The following TSGA10 variants were observed in gnomAD, a reference collection of about 807,000 sequenced individuals.
TSGA10 encodes testis specific 10, also known as testis-specific gene 10 protein.
Under a neutral mutation model 96.6 loss-of-function variants are expected in TSGA10, and 43 were observed. The ratio of observed to expected loss-of-function variants is 0.44; its 90% CI spans 0.35 to 0.57. The LOEUF (loss-of-function observed/expected upper bound fraction) is 0.57. Ranked by LOEUF, TSGA10 falls within the 20% of genes least tolerant of loss-of-function variation. The pLI, the probability that TSGA10 is intolerant of heterozygous loss-of-function variation, is 0.01. For missense variants in TSGA10, 703 were observed against 834.4 expected (o/e 0.84, Z 1.94); for synonymous variants, 229 against 269.9 (o/e 0.85, Z 1.48).
intron 1 of TSGA10, among the ~76,000 whole-genome samples, chr2:99,146,599 T>C (rs984477581): frequency 4.6e-5 from 7 of 152,178 alleles, no homozygotes; most frequent in African/African-American, 1.7e-4. Context: ...GTTCTGCCAT[T>C]CACATTTAGG....
At chr2:99,110,803 C>G in intron 5 of TSGA10, 47 bp downstream of exon 5, 3 of 463,914 alleles carry the variant, frequency 6.5e-6, no homozygotes, top group Non-Finnish European at 8.5e-6. Flanking sequence ...GCTTACTGAC[C>G]AAATAAAAAT....
chr2:99,055,218 AC>A (rs1266462470), intron 16 of TSGA10, among the ~76,000 whole-genome samples: 1 of 152,136 alleles, frequency 6.6e-6, no homozygotes, highest in Non-Finnish European at 1.5e-5. Flanking sequence ...CACATGGATG[AC>A]CCTAGAGGTT....
chr2:99,029,712 C>A (rs2080964465), intron 17 of TSGA10, among the ~76,000 whole-genome samples: 1 of 152,010 alleles, frequency 6.6e-6, no homozygotes. Context: ...ATGATAAAAC[C>A]TCTTAGAAAT....
chr2:99,093,190 C>T (rs144626084), intron 10 of TSGA10, among the ~76,000 whole-genome samples: 2 of 152,148 alleles, frequency 1.3e-5, no homozygotes, highest in African/African-American at 4.8e-5. Flanking sequence ...AGGCATCTGA[C>T]AAAATCCAGC....
At chr2:99,116,730 A>C (rs1312104248) in intron 4 of TSGA10, among the ~76,000 whole-genome samples, 2 of 152,202 alleles carry the variant, frequency 1.3e-5, no homozygotes, top group Non-Finnish European at 2.9e-5. Context: ...TGTTAGTTAA[A>C]AAAAAGTTTT....
chr2:99,153,289 T>C (rs2093711283), intron 1 of TSGA10, among the ~76,000 whole-genome samples: 1 of 152,154 alleles, frequency 6.6e-6, no homozygotes, highest in Admixed American at 6.5e-5. Context: ...TTGGAGTACG[T>C]TGAAACAATG....
intron 10 of TSGA10, among the ~76,000 whole-genome samples, chr2:99,088,191 T>C (rs2088806725): frequency 6.6e-6 from 1 of 152,208 alleles, no homozygotes; most frequent in Non-Finnish European, 1.5e-5. Context: ...TAATTCGGTG[T>C]AGTAGTCCCC....
At chr2:99,075,569 T>C (rs1464665880) in intron 12 of TSGA10, among the ~76,000 whole-genome samples, 1 of 152,186 alleles carries the variant, frequency 6.6e-6, no homozygotes, top group African/African-American at 2.4e-5. Context: ...ACAGTATTAG[T>C]TTTCACTGAG....
At chr2:99,137,707 G>A (rs1223702640) in intron 1 of TSGA10, among the ~76,000 whole-genome samples, 3 of 152,124 alleles carry the variant, frequency 2.0e-5, no homozygotes, top group Admixed American at 1.3e-4. Context: ...CAGTATTTTA[G>A]GTGGGAGATG....
At chr2:99,150,487 C>A in intron 1 of TSGA10, 12 of 1,393,740 alleles carry the variant, frequency 8.6e-6, no homozygotes, top group East Asian at 2.5e-5. Flanking sequence ...TTTCAGTAAT[C>A]AAGTTGAAGA....
chr2:99,005,836 G>T (rs1278429991), intron 20 of TSGA10, among the ~76,000 whole-genome samples: 8 of 152,002 alleles, frequency 5.3e-5, no homozygotes, highest in South Asian at 4.2e-4. Context: ...CATTGCCAAG[G>T]CAATCCTAAG....
At chr2:99,101,903 T>C in intron 10 of TSGA10, 2 of 595,286 alleles carry the variant, frequency 3.4e-6, no homozygotes, top group Non-Finnish European at 6.1e-6. Flanking sequence ...AAATAGGGAG[T>C]GCTGTTCAAA....
At chr2:99,037,806 C>T (rs909595622) in intron 16 of TSGA10, among the ~76,000 whole-genome samples, 30 of 151,950 alleles carry the variant, frequency 2.0e-4, no homozygotes, top group Non-Finnish European at 2.5e-4. Flanking sequence ...GCTGGGATCG[C>T]GCCATTGCAC....
At chr2:99,025,281 A>T (rs1000417546) in intron 17 of TSGA10, among the ~76,000 whole-genome samples, 1 of 152,196 alleles carries the variant, frequency 6.6e-6, no homozygotes, top group African/African-American at 2.4e-5. Flanking sequence ...ATGGAAGTTT[A>T]AAAATTTCTA....
chr2:99,132,574 A>AT (rs1372874869), intron 1 of TSGA10, among the ~76,000 whole-genome samples: 9 of 152,006 alleles, frequency 5.9e-5, no homozygotes, highest in African/African-American at 1.9e-4. Flanking sequence ...GGATTCATTG[A>AT]TTTTTTGAAG....
At chr2:99,017,656 T>G (rs1228488847) in intron 20 of TSGA10, among the ~76,000 whole-genome samples, 4 of 150,926 alleles carry the variant, frequency 2.7e-5, no homozygotes. Flanking sequence ...TCCCAGCTAC[T>G]TGGGAGGCTG....
At chr2:99,088,785 C>T (rs1335800732) in intron 10 of TSGA10, among the ~76,000 whole-genome samples, 1 of 152,062 alleles carries the variant, frequency 6.6e-6, no homozygotes, top group East Asian at 1.9e-4. Context: ...GTGACTAATC[C>T]AAATATCTAT....
At chr2:99,038,794 C>G (rs942296992) in intron 16 of TSGA10, among the ~76,000 whole-genome samples, 1 of 152,110 alleles carries the variant, frequency 6.6e-6, no homozygotes, top group East Asian at 1.9e-4. Flanking sequence ...ATGCACTTCA[C>G]AGATATTTAC....
At chr2:99,130,109 G>A (rs1036457868) in intron 1 of TSGA10, among the ~76,000 whole-genome samples, 1 of 152,048 alleles carries the variant, frequency 6.6e-6, no homozygotes, top group African/African-American at 2.4e-5. Context: ...ATGTGAATAT[G>A]TCTTTAGAGT....
Sources: gnomAD v4.1 joint callset for allele counts (sites outside exome capture counted in the v4.1 genomes callset) on GRCh38, gnomAD v4.1.1 for gene constraint, MANE v1.5 for transcripts, NCBI Gene and HGNC (gene_info 2026-07-23, HGNC 2026-07-21) for gene names.